The following ACOT8 variants were observed in gnomAD, a reference collection of about 807,000 sequenced individuals.
ACOT8 encodes the protein acyl-coenzyme A thioesterase 8.
Under a neutral mutation model 38.4 loss-of-function variants are expected in ACOT8, and 31 were observed. The observed-to-expected ratio is 0.81, with a 90% CI of 0.61 to 1.09. The LOEUF is 1.09. Among genes scored for constraint, ACOT8 ranks in the 50% least tolerant of loss-of-function variants. ACOT8 has a pLI of 0.00. For missense variants in ACOT8, 373 were observed against 421.8 expected (o/e 0.88, Z 1.01); for synonymous variants, 158 against 170.3 (o/e 0.93, Z 0.56).
At chr20:45,849,452 A>AT (rs58429995) in intron 2 of ACOT8, among the ~76,000 whole-genome samples, 4,138 of 127,716 alleles carry the variant, frequency 0.032, 182 homozygotes, top group African/African-American at 0.1. Flanking sequence ...TACCCAGCTA[A>AT]TTTTTTTTTT....
chr20:45,851,673 CTG>C (rs1057497808), intron 2 of ACOT8, among the ~76,000 whole-genome samples: 4 of 152,202 alleles, frequency 2.6e-5, no homozygotes. Flanking sequence ...GATGAGGAAA[CTG>C]TTGCCTTAAA....
At chr20:45,844,093 T>C in intron 4 of ACOT8, 170 bp downstream of exon 4, 1 of 972,062 alleles carries the variant, frequency 1.0e-6, no homozygotes, top group South Asian at 1.4e-5. Context: ...CTCCACCTTC[T>C]CCCCATGCAA....
intron 2 of ACOT8, chr20:45,854,039 T>C: frequency 8.4e-7 from 1 of 1,197,256 alleles, no homozygotes; most frequent in Non-Finnish European, 1.1e-6. Flanking sequence ...GTTTGTTTTT[T>C]AGCATAGGTT....
chr20:45,852,233 T>C (rs927577271), intron 2 of ACOT8, among the ~76,000 whole-genome samples: 4 of 151,792 alleles, frequency 2.6e-5, no homozygotes, highest in Non-Finnish European at 4.4e-5. Flanking sequence ...AGTAGCACGA[T>C]CTCAGCTCAC....
chr20:45,856,679 C>G (rs1346333412), intron 1 of ACOT8, among the ~76,000 whole-genome samples: 1 of 152,040 alleles, frequency 6.6e-6, no homozygotes, highest in Non-Finnish European at 1.5e-5. Context: ...GACTCCGCCT[C>G]AAAGAAAGAA....
At chr20:45,854,040 A>C in intron 2 of ACOT8, 8 of 1,197,530 alleles carry the variant, frequency 6.7e-6, no homozygotes, top group Non-Finnish European at 8.8e-6. Flanking sequence ...TTTGTTTTTT[A>C]GCATAGGTTT....
chr20:45,844,429 A>G lies in ACOT8; in HGVS notation c.489-9T>C, dbSNP rs1406050554. On this transcript the variant is annotated splice_polypyrimidine_tract_variant and intron_variant, in intron 3 of 5. Coordinates refer to ENST00000217455, the MANE Select transcript of ACOT8 (RefSeq NM_005469.4). ...TTTGGAGGTTAGGGTCCCTGAAAGT[A>G]AAGGGAAGAGGGTCGGGGTGAGACC... 6.2e-7 allele frequency: 1 copy of G among 1,613,682 alleles called. No individual in the cohort carries two copies. The highest frequency in any genetic ancestry group is 1.3e-5 in the African/African-American group (1 of 74,990).
At chr20:45,853,780 G>A (rs1396582920) in intron 2 of ACOT8, 3 of 484,816 alleles carry the variant, frequency 6.2e-6, no homozygotes, top group Non-Finnish European at 1.0e-5. Flanking sequence ...CCGAGAAGAG[G>A]GGGGCCAATC....
At chr20:45,856,157 G>A (rs1321575775) in intron 1 of ACOT8, among the ~76,000 whole-genome samples, 1 of 152,024 alleles carries the variant, frequency 6.6e-6, no homozygotes, top group African/African-American at 2.4e-5. Context: ...CCAGCTAAAC[G>A]GGAGACTGAG....
chr20:45,846,815 T>TA (rs1482758075), intron 3 of ACOT8, among the ~76,000 whole-genome samples: 1 of 152,192 alleles, frequency 6.6e-6, no homozygotes, highest in African/African-American at 2.4e-5. Flanking sequence ...TCCAAATAAA[T>TA]ATATTTTACC....
At position 45,842,929 on chromosome 20, in the gene ACOT8, G is replaced by C. The variant is rs575074166; in HGVS notation, c.841+598C>G. On this transcript the variant is annotated intron_variant, in intron 5 of 5. Coordinates refer to ENST00000217455, the MANE Select transcript of ACOT8 (RefSeq NM_005469.4). ...ATGTACTCCCTTGGAAAGGAGGTCA[G>C]GGTTCTGAAGCTAGACATTGATGAA... 7.4e-5 allele frequency: 75 copies of C among 1,007,630 alleles called. No homozygotes were observed. The South Asian group carries it at 1.0e-3, about 14-fold the overall frequency. The allele number at this position is 1,007,630 out of a possible 1,614,324, so 62.4% of individuals were successfully genotyped here. A position where few individuals can be genotyped will look rare whatever the true frequency, so the allele number is the denominator to read the frequency against.
chr20:45,857,120 G>A (rs1467676719), intron 1 of ACOT8, 68 bp downstream of exon 1: 2 of 1,553,524 alleles, frequency 1.3e-6, no homozygotes, highest in Admixed American at 1.9e-5. Flanking sequence ...CAGGGGCCCC[G>A]GGCGGCGGCA....
chr20:45,847,429 A>T (rs891192024), intron 3 of ACOT8, among the ~76,000 whole-genome samples: 1 of 150,826 alleles, frequency 6.6e-6, no homozygotes, highest in Non-Finnish European at 1.5e-5. Flanking sequence ...ATATATATAA[A>T]ATATATATAT....
Position 45,853,012 on chromosome 20 carries a change from G to A in ACOT8, c.262+2147C>T, listed in dbSNP as rs986177600. 2.2e-4 allele frequency among the ~76,000 whole-genome samples: 34 copies of A among 152,086 alleles called. 1 individual carries two copies. The highest frequency in any genetic ancestry group is 1.7e-3 in the South Asian group (8 of 4,830). ...TCGAACTCCTGAGCTCAGGTGATCC[G>A]CCCGCCTCGGCTTCCCAAAGTGCTA... On this transcript the variant is annotated intron_variant, in intron 2 of 5. Transcript: ENST00000217455.
chr20:45,844,292 ATC>A lies in ACOT8; in HGVS notation c.615_616del (p.Gln205HisfsTer63). The A allele has an allele frequency of 1.2e-6, 2 of 1,614,118 alleles. No individual in the cohort carries two copies. Among genetic ancestry groups the A allele is most frequent in the Non-Finnish European group, 1.7e-6 (2 of 1,180,026 alleles). ...ATAGCCCCGGGCTCGCACCCAGAACATCTGTTTGGGCTCCATTCTCTGCAGCT... is the reference window on the plus strand; with the variant it reads ...ATAGCCCCGGGCTCGCACCCAGAACATGTTTGGGCTCCATTCTCTGCAGCT... On this transcript the variant is annotated frameshift_variant, in exon 4 of 6. Coordinates refer to ENST00000217455, the MANE Select transcript of ACOT8 (RefSeq NM_005469.4). LOFTEE classifies it high-confidence loss of function.
At chr20:45,842,284 C>T (rs56204716) in intron 5 of ACOT8, 65,421 of 1,426,766 alleles carry the variant, frequency 0.046, 1,696 homozygotes, top group Middle Eastern at 0.082. Context: ...CACAGGAACC[C>T]CAGTTGACAG....
At position 45,843,700 on chromosome 20, in the gene ACOT8, T is replaced by C; in HGVS notation, c.668A>G (p.His223Arg). The change falls in exon 5 of 6, where the codon CAC (histidine) becomes CGC (arginine). Residue 223 changes from histidine to arginine, a missense_variant. His to Arg is a conservative substitution (Grantham distance 29). Transcript: ENST00000217455. ...GYIGEGDMKM[H>R]CCVAAYISDY... Reference sequence around the variant, plus strand: ...GGAGATATAGGCGGCCACGCAGCAGTGCATCTTCATGTCGCCCTCGCCTGC... The same window carrying C: ...GGAGATATAGGCGGCCACGCAGCAGCGCATCTTCATGTCGCCCTCGCCTGC... The C allele has an allele frequency of 1.2e-6, 2 of 1,607,720 alleles. No individual in the cohort carries two copies. The highest frequency in any genetic ancestry group is 1.7e-5 in the Admixed American group (1 of 59,900).
At chr20:45,852,822 A>G (rs1222853557) in intron 2 of ACOT8, among the ~76,000 whole-genome samples, 1 of 152,132 alleles carries the variant, frequency 6.6e-6, no homozygotes, top group Non-Finnish European at 1.5e-5. Context: ...AGGCTGGAGT[A>G]CAGTAGCATG....
At chr20:45,845,672 T>C (rs1984634875) in intron 3 of ACOT8, among the ~76,000 whole-genome samples, 2 of 152,140 alleles carry the variant, frequency 1.3e-5, no homozygotes, top group African/African-American at 4.8e-5. Context: ...TTTTCACCCC[T>C]ATCCTCTGGA....
Sources: allele counts gnomAD v4.1 joint callset (sites outside exome capture counted in the v4.1 genomes callset), GRCh38; gene constraint gnomAD v4.1.1; transcripts MANE v1.5; gene names NCBI Gene and HGNC (gene_info 2026-07-23, HGNC 2026-07-21).